RASIP1: variants seen among roughly 807,000 people sequenced by gnomAD.
The protein encoded by RASIP1 is Ras interacting protein 1.
RASIP1 carries 20 observed loss-of-function variants against 85.3 expected under a neutral mutation model. That is an observed-to-expected ratio of 0.23 (90% CI 0.17 to 0.34). The LOEUF is 0.34. Among genes scored for constraint, RASIP1 ranks in the 10% least tolerant of loss-of-function variants. The pLI is 1.00. For missense variants in RASIP1, 1,170 were observed against 1,390.9 expected, an observed-to-expected ratio of 0.84 and a Z score of 2.53; for synonymous variants, 617 against 647.1, an observed-to-expected ratio of 0.95 and a Z score of 0.71.
At position 48,720,743 on chromosome 19, in the gene RASIP1, T is replaced by A; in HGVS notation, c.*55A>T. 1.9e-6 allele frequency: 3 copies of A among 1,573,412 alleles called. No individual in the cohort carries two copies. The highest frequency in any genetic ancestry group is 1.1e-5 in the South Asian group (1 of 90,022). On this transcript the variant is annotated 3_prime_UTR_variant, in exon 12 of 12. Transcript: ENST00000222145. ...AAAGCTTTGCGCTCAGGCGGGCTCC[T>A]GTCCGTAGAAGCCCGTGACATTTCA...
chr19:48,725,983 A>G (rs1301215926), intron 8 of RASIP1, among the ~76,000 whole-genome samples: 4 of 151,986 alleles, frequency 2.6e-5, no homozygotes, highest in Admixed American at 6.6e-5. Context: ...CTGGAGTGCA[A>G]TGGTGCGATT....
chr19:48,736,186 C>A (rs1289256830), intron 3 of RASIP1, among the ~76,000 whole-genome samples: 1 of 150,680 alleles, frequency 6.6e-6, no homozygotes, highest in African/African-American at 2.4e-5. Context: ...GAGGCTGAGG[C>A]GGGCGGATCA....
chr19:48,737,598 C>T, intron 3 of RASIP1: 2 of 985,458 alleles, frequency 2.0e-6, no homozygotes, highest in Non-Finnish European at 2.4e-6. Context: ...ATCTTAGTCC[C>T]AGCAGGCCTG....
rs745455775 is a variant in RASIP1, at chr19:48,724,533, G to A, written c.2372-24C>T. ...ACCTGTGGGTGTTAAAGGTATGAGAGGCAGTTGGTTGGCTGGACTCTGTGC... is the reference window on the plus strand; with the variant it reads ...ACCTGTGGGTGTTAAAGGTATGAGAAGCAGTTGGTTGGCTGGACTCTGTGC... On this transcript the variant is annotated intron_variant, in intron 9 of 11. Transcript: ENST00000222145. The surrounding 1 kb of genome is among the most constrained non-coding windows in gnomAD (Gnocchi z 4.6). 2 of 1,606,088 alleles carry A rather than the reference G, an allele frequency of 1.2e-6. No homozygotes were observed. The highest frequency in any genetic ancestry group is 1.7e-6 in the Non-Finnish European group (2 of 1,174,008).
At position 48,740,230 on chromosome 19, in the gene RASIP1, T is replaced by C; in HGVS notation, c.53A>G (p.His18Arg). Residue 18 changes from histidine to arginine, a missense_variant, in exon 2 of 12, where the codon CAT becomes CGT. By Grantham distance (29) the His-to-Arg change is conservative (BLOSUM62 0). This residue lies in a region of RASIP1 where 299 missense variants were observed against 394.4 expected (regional missense o/e 0.76). Coordinates refer to ENST00000222145, the MANE Select transcript of RASIP1 (RefSeq NM_017805.3). The surrounding 1 kb of genome is among the most constrained non-coding windows in gnomAD (Gnocchi z 5.5). ...EGGSPRFGKL[H>R]LPVGLWINSP... is the part of the protein sequence containing the mutation. ...ATTGATCCACAGGCCCACGGGGAGA[T>C]GAAGCTTCCCGAAGCGGGGGCTTCC... The C allele has an allele frequency of 1.9e-6, 3 of 1,586,098 alleles. No homozygotes were observed. Among genetic ancestry groups the C allele is most frequent in the South Asian group, 2.3e-5 (2 of 88,178 alleles).
chr19:48,727,928 T>C (rs1199157341), intron 5 of RASIP1, among the ~76,000 whole-genome samples: 1 of 152,136 alleles, frequency 6.6e-6, no homozygotes, highest in Non-Finnish European at 1.5e-5. Flanking sequence ...CTTCAGGTGA[T>C]CTGCCCGCCT....
chr19:48,735,669 G>T, intron 3 of RASIP1, 118 bp from the exon 4 acceptor site: 1 of 1,018,076 alleles, frequency 9.8e-7, no homozygotes, highest in Non-Finnish European at 1.4e-6. Context: ...CCACATTTAG[G>T]ATTTAGGCTT....
intron 4 of RASIP1, 141 bp from the exon 5 acceptor site, chr19:48,729,731 T>C: frequency 1.3e-6 from 1 of 759,556 alleles, no homozygotes; most frequent in East Asian, 3.3e-5. Context: ...TTTTTTTTTT[T>C]TGAGATGGAG....
At position 48,740,055 on chromosome 19, in the gene RASIP1, G is replaced by A. The variant is rs761699309; in HGVS notation, c.137+91C>T. On this transcript the variant is annotated intron_variant, in intron 2 of 11. Coordinates refer to ENST00000222145, the MANE Select transcript of RASIP1 (RefSeq NM_017805.3). This position sits in a 1 kb window ranked among gnomAD's most constrained non-coding sequence, Gnocchi z 5.5. The stretch of plus-strand genomic sequence containing the variant: ...GTTTGCCCAATTCAGGATGAGGACC[G>A]GAGCCAACACTTTGCAGGGACTGGG... 20 of 1,439,582 alleles carry A rather than the reference G, an allele frequency of 1.4e-5. No homozygotes were observed. Among genetic ancestry groups the A allele is most frequent in the Non-Finnish European group, 1.6e-5 (17 of 1,092,306 alleles). 89.2% of individuals were successfully genotyped at this position (1,439,582 alleles called of 1,614,324 possible). A position where few individuals can be genotyped will look rare whatever the true frequency, so the allele number is the denominator to read the frequency against.
intron 10 of RASIP1, among the ~76,000 whole-genome samples, chr19:48,723,952 C>T (rs1005099931): frequency 2.6e-5 from 4 of 152,084 alleles, no homozygotes; most frequent in African/African-American, 7.2e-5. Flanking sequence ...GGATTACAGG[C>T]GTGCGCCATC....
At chr19:48,735,984 T>C (rs1218123719) in intron 3 of RASIP1, among the ~76,000 whole-genome samples, 2 of 151,464 alleles carry the variant, frequency 1.3e-5, no homozygotes, top group Admixed American at 6.6e-5. Flanking sequence ...TTAGTATAGA[T>C]GGGTTTTCAC....
At chr19:48,731,641 C>T (rs186631349) in intron 4 of RASIP1, among the ~76,000 whole-genome samples, 1 of 152,296 alleles carries the variant, frequency 6.6e-6, no homozygotes, top group East Asian at 1.9e-4. Flanking sequence ...CTTCCATTCG[C>T]CAACCATGTC....
At position 48,735,207 on chromosome 19, in the gene RASIP1, G is replaced by C; in HGVS notation, c.1168C>G (p.Gln390Glu). The change falls in exon 4 of 12, where the codon CAG (glutamine) becomes GAG (glutamate). Residue 390 changes from glutamine to glutamate, a missense_variant. By Grantham distance (29) the Gln-to-Glu change is conservative. This residue lies in a region of RASIP1 where 301 missense variants were observed against 294.8 expected (regional missense o/e 1.02). Transcript: ENST00000222145. ...RPYFLLLQGYQDAQDFVVYVM... is the reference protein window; with the variant it reads ...RPYFLLLQGYEDAQDFVVYVM... ...GGGGCGGCGGTTACCTGGGCGTCCT[G>C]GTAGCCCTGGAGCAGCAGGAAGTAG... 1 of 1,609,644 alleles carries C rather than the reference G, an allele frequency of 6.2e-7. No individual in the cohort carries two copies. Among genetic ancestry groups the C allele is most frequent in the Non-Finnish European group, 8.5e-7 (1 of 1,177,020 alleles).
chr19:48,737,364 G>T lies in RASIP1; in HGVS notation c.823+1596C>A, dbSNP rs533327049. The T allele has an allele frequency of 3.7e-5, 24 of 651,026 alleles. No individual in the cohort carries two copies. The African/African-American group carries it at 3.8e-4, about 10-fold the overall frequency. The allele number at this position is 651,026 out of a possible 1,614,324, so 40.3% of individuals were successfully genotyped here. ...TCAGATACAGAAAAGCGTTTAGAAG[G>T]CTCCCTGAGCAGACCCGTGCTTTCA... On this transcript the variant is annotated intron_variant, in intron 3 of 11. Transcript: ENST00000222145.
intron 10 of RASIP1, 64 bp from the exon 11 acceptor site, chr19:48,722,065 G>T: frequency 7.5e-7 from 1 of 1,333,862 alleles, no homozygotes. Context: ...TGAAATGGAA[G>T]GGCTTCCATA....
Position 48,728,927 on chromosome 19 carries a change from G to A in RASIP1, c.1833+10C>T. The A allele has an allele frequency of 7.0e-7, 1 of 1,438,338 alleles. No homozygotes were observed. The highest frequency in any genetic ancestry group is 9.0e-7 in the Non-Finnish European group (1 of 1,106,530). 89.1% of individuals were successfully genotyped at this position (1,438,338 alleles called of 1,614,324 possible). A position where few individuals can be genotyped will look rare whatever the true frequency, so the allele number is the denominator to read the frequency against. On this transcript the variant is annotated intron_variant, in intron 5 of 11. Transcript: ENST00000222145. Reference sequence around the variant, plus strand: ...CTGGTGGGGCTGGACGGCGATTGGGGGGCGCTCACCCAGACGGCCTCCTTG... The same window carrying A: ...CTGGTGGGGCTGGACGGCGATTGGGAGGCGCTCACCCAGACGGCCTCCTTG...
chr19:48,737,757 G>A (rs380743), intron 3 of RASIP1: 456,048 of 984,026 alleles, frequency 0.46, 110,759 homozygotes, highest in Non-Finnish European at 0.5. Context: ...ACCACTCCTC[G>A]CGGGACCCAA....
intron 4 of RASIP1, among the ~76,000 whole-genome samples, chr19:48,733,844 C>A (rs2033511757): frequency 6.6e-6 from 1 of 151,540 alleles, no homozygotes; most frequent in Non-Finnish European, 1.5e-5. Flanking sequence ...GCAGTGCACT[C>A]CTACGAAGAA....
Position 48,724,905 on chromosome 19 carries a change from G to T in RASIP1, c.2183C>A (p.Ala728Glu), listed in dbSNP as rs924873195. The T allele has an allele frequency of 1.9e-6, 3 of 1,614,098 alleles. No homozygotes were observed. The highest frequency in any genetic ancestry group is 2.7e-5 in the African/African-American group (2 of 74,932). Residue 728 changes from alanine (A) to glutamate (E), a missense_variant, in exon 9 of 12, where the codon GCA (alanine) becomes GAA (glutamate). Transcript: ENST00000222145. The surrounding 1 kb of genome is among the most constrained non-coding windows in gnomAD (Gnocchi z 4.6). ...CTCCGCGCCAGGCCCCGGCAGCTCT[G>T]CACCAGCTGTGAAAGGGTTACTATC... ...LLDSNPFTAG[A>E]ELPGPGAELG... is the part of the protein sequence containing the mutation.
Sources: gnomAD v4.1 joint callset for allele counts (sites outside exome capture counted in the v4.1 genomes callset) on GRCh38, gnomAD v4.1.1 for gene constraint, gnomAD v4.1.1 regional missense constraint, Gnocchi (gnomAD v3.1) non-coding constraint, MANE v1.5 for transcripts, NCBI Gene and HGNC (gene_info 2026-07-23, HGNC 2026-07-21) for gene names.